Variants in CDC42SE2 observed in about 807,000 individuals in gnomAD.
The protein encoded by CDC42SE2 is CDC42 small effector protein 2.
In CDC42SE2, 3 loss-of-function variants were observed where a neutral mutation model predicts 11.5. The ratio of observed to expected loss-of-function variants is 0.26; its 90% CI spans 0.12 to 0.67. CDC42SE2 has a LOEUF of 0.67. CDC42SE2 is among the 30% of genes least tolerant of loss of function. CDC42SE2 has a pLI of 0.80. For synonymous variants in CDC42SE2, 33 were observed against 34.8 expected (o/e 0.95, Z 0.18); for missense variants, 82 against 106.8 (o/e 0.77, Z 1.02).
chr5:131,216,162 G>T, the CDC42SE2 span, among the ~76,000 whole-genome samples: 1 of 152,102 alleles, frequency 6.6e-6, no homozygotes, highest in East Asian at 1.9e-4. Flanking sequence ...GCCAATTTCT[G>T]ACATTCCCTT....
intron 2 of CDC42SE2, among the ~76,000 whole-genome samples, chr5:131,258,447 T>G (rs1756695919): frequency 6.6e-6 from 1 of 152,216 alleles, no homozygotes; most frequent in African/African-American, 2.4e-5. Flanking sequence ...TAACTTGACA[T>G]AGCAGAGTGA....
At chr5:131,329,580 A>C (rs1580757068) in intron 2 of CDC42SE2, among the ~76,000 whole-genome samples, 1 of 152,166 alleles carries the variant, frequency 6.6e-6, no homozygotes, top group South Asian at 2.1e-4. Flanking sequence ...AAATAATCAT[A>C]AGAATTAAGA....
At chr5:131,347,092 A>G (rs892513092) in intron 2 of CDC42SE2, among the ~76,000 whole-genome samples, 6 of 152,180 alleles carry the variant, frequency 3.9e-5, no homozygotes, top group Non-Finnish European at 5.9e-5. Context: ...AAAGAACTAG[A>G]GAAGCAAGAG....
intron 1 of CDC42SE2, among the ~76,000 whole-genome samples, chr5:131,279,028 G>A (rs1452945488): frequency 1.3e-5 from 2 of 151,424 alleles, no homozygotes; most frequent in Non-Finnish European, 2.9e-5. Context: ...CAAGTGATGC[G>A]CATGCCTCGA....
the CDC42SE2 span, among the ~76,000 whole-genome samples, chr5:131,224,852 A>C: frequency 6.6e-6 from 1 of 151,420 alleles, no homozygotes; most frequent in Non-Finnish European, 1.5e-5. Context: ...CAGGCAAGGG[A>C]GTAGGACAAG....
intron 2 of CDC42SE2, among the ~76,000 whole-genome samples, chr5:131,331,163 T>C (rs1293581152): frequency 6.6e-6 from 1 of 152,206 alleles, no homozygotes. Flanking sequence ...ATGTCACTTA[T>C]CTAATCAGTT....
upstream of CDC42SE2, among the ~76,000 whole-genome samples, chr5:131,243,124 G>T (rs1217838985): frequency 3.9e-5 from 6 of 151,964 alleles, no homozygotes; most frequent in Non-Finnish European, 7.4e-5. Flanking sequence ...CTTTCCTTTT[G>T]AATTTCACTG....
At chr5:131,298,495 TGAC>T (rs1757618557) in intron 1 of CDC42SE2, among the ~76,000 whole-genome samples, 1 of 151,610 alleles carries the variant, frequency 6.6e-6, no homozygotes, top group Non-Finnish European at 1.5e-5. Flanking sequence ...TTATTTAGTA[TGAC>T]GTCACAAATA....
chr5:131,383,756 G>A (rs1236328461), intron 3 of CDC42SE2, among the ~76,000 whole-genome samples: 1 of 152,116 alleles, frequency 6.6e-6, no homozygotes, highest in Admixed American at 6.5e-5. Flanking sequence ...TTAATTTCAT[G>A]TGCTCTGCAG....
chr5:131,264,498 CCCT>C (rs1267493001), intron 1 of CDC42SE2, among the ~76,000 whole-genome samples: 3 of 151,892 alleles, frequency 2.0e-5, no homozygotes, highest in African/African-American at 7.3e-5. Context: ...CAGACCCCCC[CCCT>C]CCCCCCAACT....
At chr5:131,382,231 T>C (rs1288680499) in intron 3 of CDC42SE2, among the ~76,000 whole-genome samples, 1 of 152,240 alleles carries the variant, frequency 6.6e-6, no homozygotes, top group Non-Finnish European at 1.5e-5. Flanking sequence ...TCTTGGGAAC[T>C]AGTTTTGTTA....
At chr5:131,226,077 G>T in the CDC42SE2 span, among the ~76,000 whole-genome samples, 1 of 152,162 alleles carries the variant, frequency 6.6e-6, no homozygotes, top group East Asian at 1.9e-4. Flanking sequence ...ATTGGTCCTG[G>T]GGTAGCAAGG....
At chr5:131,329,879 CAAAAAAAAAAAAAAAAAAAAAAAAAAAA>C (rs747152132) in intron 2 of CDC42SE2, among the ~76,000 whole-genome samples, 65 of 56,618 alleles carry the variant, frequency 1.1e-3, no homozygotes, top group Non-Finnish European at 2.3e-3. Flanking sequence ...AACTCCATCT[CAAAAAAAAAAAAAAAAAAAAAAAAAAAA>C]AAAAAAAAAA....
intron 2 of CDC42SE2, among the ~76,000 whole-genome samples, chr5:131,344,537 G>A (rs575776516): frequency 1.8e-4 from 27 of 152,316 alleles, no homozygotes; most frequent in Admixed American, 1.5e-3. Flanking sequence ...ACAGCTCAAG[G>A]AGGCCTGCCT....
At chr5:131,342,551 GC>G (rs1234313114) in intron 2 of CDC42SE2, among the ~76,000 whole-genome samples, 1 of 151,332 alleles carries the variant, frequency 6.6e-6, no homozygotes, top group East Asian at 2.0e-4. Flanking sequence ...ACTATGCCCA[GC>G]TAACTTTTTG....
chr5:131,322,262 A>G (rs1758208110), intron 2 of CDC42SE2, among the ~76,000 whole-genome samples: 1 of 152,190 alleles, frequency 6.6e-6, no homozygotes, highest in South Asian at 2.1e-4. Context: ...TGTGCAGCCA[A>G]TCTCTAGAAC....
intron 4 of CDC42SE2, among the ~76,000 whole-genome samples, chr5:131,386,003 T>C (rs560567233): frequency 6.6e-6 from 1 of 152,324 alleles, no homozygotes; most frequent in East Asian, 1.9e-4. Flanking sequence ...AATAATAATC[T>C]CTTTTTGTTC....
chr5:131,217,747 T>G, the CDC42SE2 span, among the ~76,000 whole-genome samples: 1 of 152,128 alleles, frequency 6.6e-6, no homozygotes, highest in African/African-American at 2.4e-5. Flanking sequence ...CTTAATAACC[T>G]CTGTTTGCCA....
intron 2 of CDC42SE2, among the ~76,000 whole-genome samples, chr5:131,334,909 A>T (rs1181383499): frequency 6.6e-6 from 1 of 152,236 alleles, no homozygotes; most frequent in Non-Finnish European, 1.5e-5. Context: ...ATCTTTTCAA[A>T]AACACCAACT....
Sources: allele counts gnomAD v4.1 joint callset (sites outside exome capture counted in the v4.1 genomes callset), GRCh38; gene constraint gnomAD v4.1.1; transcripts MANE v1.5; gene names NCBI Gene and HGNC (gene_info 2026-07-23, HGNC 2026-07-21).